The following FGF14 variants were observed in gnomAD, a reference collection of about 807,000 sequenced individuals.
FGF14 encodes fibroblast growth factor homologous factor 4.
Under a neutral mutation model 25.5 loss-of-function variants are expected in FGF14, and 5 were observed. That is an observed-to-expected ratio of 0.20 (90% CI 0.10 to 0.41). FGF14 has a LOEUF of 0.41. Ranked by LOEUF, FGF14 falls within the 10% of genes least tolerant of loss-of-function variation. The pLI, the probability that FGF14 is intolerant of heterozygous loss-of-function variation, is 1.00. For synonymous variants in FGF14, 138 were observed against 118.3 expected, an observed-to-expected ratio of 1.17 and a Z score of -1.08; for missense variants, 222 against 320.1, an observed-to-expected ratio of 0.69 and a Z score of 2.34.
intron 1 of FGF14, among the ~76,000 whole-genome samples, chr13:102,394,150 G>A (rs565001511): frequency 6.6e-6 from 1 of 152,330 alleles, no homozygotes; most frequent in East Asian, 1.9e-4. Context: ...AACTTGGCTC[G>A]TTCTCTCCCA....
At chr13:102,330,085 C>A (rs1204888877) in intron 1 of FGF14, among the ~76,000 whole-genome samples, 1 of 152,134 alleles carries the variant, frequency 6.6e-6, no homozygotes, top group African/African-American at 2.4e-5. Context: ...AGGCAGGGAG[C>A]CAGCAGAGAC....
At chr13:101,916,415 G>T (rs2033498172) in intron 1 of FGF14, 38 bp downstream of exon 1, 1 of 1,611,366 alleles carries the variant, frequency 6.2e-7, no homozygotes, top group South Asian at 1.1e-5. Context: ...GGGAGGGGGC[G>T]ACCCGGGGCG....
intron 1 of FGF14, among the ~76,000 whole-genome samples, chr13:102,158,838 G>T (rs2047485491): frequency 1.3e-5 from 2 of 151,984 alleles, no homozygotes; most frequent in African/African-American, 2.4e-5. Context: ...ACTATTATTT[G>T]CCACTATTAA....
rs1250867110 is a variant in FGF14, at chr13:101,721,825, C to T, written c.*1006G>A. On this transcript the variant is annotated 3_prime_UTR_variant, in exon 5 of 5. Transcript: ENST00000376143. ...GTATATCTGAAATGGATTTAGGTAG[C>T]GCAATTCTTGTAGGTTATAATTACT... The T allele has an allele frequency of 6.0e-5, 9 of 150,070 alleles. No homozygotes were observed. In the South Asian group the frequency reaches 1.1e-3, roughly 18 times the overall value. The allele number at this position is 150,070 out of a possible 1,614,324, so 9.3% of individuals were successfully genotyped here. A position where few individuals can be genotyped will look rare whatever the true frequency, so the allele number is the denominator to read the frequency against.
chr13:101,945,645 T>C (rs1472886056), intron 1 of FGF14, among the ~76,000 whole-genome samples: 2 of 152,180 alleles, frequency 1.3e-5, no homozygotes, highest in Admixed American at 1.3e-4. Context: ...CTCAGCAGCC[T>C]GTTTCCCTTC....
In FGF14 at chr13:102,036,691, G is replaced by T. The variant is rs1174557967; in HGVS notation, c.209-161395C>A. Among the ~76,000 whole-genome samples, 5 of 151,764 alleles carry T rather than the reference G, an allele frequency of 3.3e-5. No individual in the cohort carries two copies. The East Asian group carries it at 9.7e-4, about 29-fold the overall frequency. On this transcript the variant is annotated intron_variant, in intron 1 of 4. Transcript: ENST00000376131. The stretch of plus-strand genomic sequence containing the variant: ...AGGAGGAGAAGAAGGAGAAGGAGGA[G>T]GATGAGGAGGAGGACGAAGAAGAAA...
At chr13:102,074,911 T>C (rs186056513) in intron 1 of FGF14, among the ~76,000 whole-genome samples, 161 of 152,284 alleles carry the variant, frequency 1.1e-3, no homozygotes, top group African/African-American at 3.6e-3. Flanking sequence ...AAATTAGATA[T>C]AGAGAGAATG....
intron 1 of FGF14, among the ~76,000 whole-genome samples, chr13:102,159,535 T>G (rs1453889077): frequency 1.3e-5 from 2 of 152,208 alleles, no homozygotes; most frequent in African/African-American, 4.8e-5. Context: ...ACCTCCAGTG[T>G]GGCTTTTCGA....
At chr13:102,114,893 G>A (rs2045395706) in intron 1 of FGF14, among the ~76,000 whole-genome samples, 1 of 152,156 alleles carries the variant, frequency 6.6e-6, no homozygotes, top group South Asian at 2.1e-4. Flanking sequence ...TAGCTCCAGA[G>A]ATTGGGGGTA....
intron 1 of FGF14, among the ~76,000 whole-genome samples, chr13:102,166,217 T>A (rs892897713): frequency 6.6e-6 from 1 of 151,674 alleles, no homozygotes; most frequent in Non-Finnish European, 1.5e-5. Flanking sequence ...AAGAATACAG[T>A]CTATTCTCAT....
At chr13:101,742,829 T>G (rs895902813) in intron 3 of FGF14, among the ~76,000 whole-genome samples, 1 of 152,092 alleles carries the variant, frequency 6.6e-6, no homozygotes, top group African/African-American at 2.4e-5. Flanking sequence ...CACAAGGAAA[T>G]TCCTTGTGGA....
chr13:101,850,164 T>C (rs893358158), intron 3 of FGF14, among the ~76,000 whole-genome samples: 1 of 150,416 alleles, frequency 6.6e-6, no homozygotes, highest in African/African-American at 2.4e-5. Context: ...CCAGGCACGC[T>C]GGCTCACACC....
chr13:101,738,861 C>CCACA (rs999745188), intron 3 of FGF14, among the ~76,000 whole-genome samples: 1 of 143,640 alleles, frequency 7.0e-6, no homozygotes, highest in Non-Finnish European at 1.5e-5. Context: ...ATATATATAC[C>CCACA]CACACACACA....
intron 1 of FGF14, among the ~76,000 whole-genome samples, chr13:102,387,149 T>C (rs1292010996): frequency 1.3e-5 from 2 of 152,244 alleles, no homozygotes; most frequent in Non-Finnish European, 2.9e-5. Flanking sequence ...GTTACATTTT[T>C]ATAAAATTTG....
intron 1 of FGF14, among the ~76,000 whole-genome samples, chr13:102,316,571 G>A (rs935056855): frequency 6.6e-6 from 1 of 151,992 alleles, no homozygotes; most frequent in Non-Finnish European, 1.5e-5. Flanking sequence ...AACCACTTAG[G>A]ACAACTTAAA....
chr13:101,828,698 G>C (rs1339164423), intron 3 of FGF14, among the ~76,000 whole-genome samples: 2 of 151,876 alleles, frequency 1.3e-5, no homozygotes, highest in African/African-American at 4.8e-5. Context: ...TTAATCCACA[G>C]GTTAATTCAA....
intron 1 of FGF14, among the ~76,000 whole-genome samples, chr13:101,959,403 C>T (rs1014579528): frequency 6.6e-6 from 1 of 152,120 alleles, no homozygotes; most frequent in Non-Finnish European, 1.5e-5. Context: ...ATTTGTTTAA[C>T]TACAGGTATA....
At chr13:101,898,476 A>C (rs910680634) in intron 1 of FGF14, among the ~76,000 whole-genome samples, 6 of 152,082 alleles carry the variant, frequency 3.9e-5, no homozygotes, top group African/African-American at 1.4e-4. Flanking sequence ...TAATGTTCTG[A>C]AAGATCAAAT....
chr13:101,761,369 T>C (rs984032838), intron 3 of FGF14, among the ~76,000 whole-genome samples: 3 of 152,170 alleles, frequency 2.0e-5, no homozygotes, highest in African/African-American at 2.4e-5. Flanking sequence ...GAGAAAGTTA[T>C]ACCACAATCT....
Sources: gnomAD v4.1 joint callset for allele counts (sites outside exome capture counted in the v4.1 genomes callset) on GRCh38, gnomAD v4.1.1 for gene constraint, MANE v1.5 for transcripts, NCBI Gene and HGNC (gene_info 2026-07-23, HGNC 2026-07-21) for gene names.